MYO1D: variants seen among roughly 807,000 people sequenced by gnomAD.
MYO1D encodes myosin ID.
MYO1D carries 83 observed loss-of-function variants against 122.0 expected under a neutral mutation model. That is an observed-to-expected ratio of 0.68 (90% CI 0.57 to 0.82). The LOEUF is 0.82. Ranked by LOEUF, MYO1D falls within the 40% of genes least tolerant of loss-of-function variation. The probability of loss-of-function intolerance (pLI) is 0.00; values close to 1 mark genes in which losing one functional copy is unlikely to be tolerated. For missense variants in MYO1D, 1,157 were observed against 1,269.5 expected, an observed-to-expected ratio of 0.91 and a Z score of 1.35; for synonymous variants, 464 against 446.9, an observed-to-expected ratio of 1.04 and a Z score of -0.48.
chr17:32,786,229 G>C (rs1360041867), intron 1 of MYO1D, among the ~76,000 whole-genome samples: 1 of 152,088 alleles, frequency 6.6e-6, no homozygotes, highest in Non-Finnish European at 1.5e-5. Context: ...GTAAGGTGAG[G>C]TTAAATGAAG....
At position 32,639,362 on chromosome 17, in the gene MYO1D, TTTG is replaced by T. The variant is rs1237963379; in HGVS notation, c.2596-530_2596-528del. ...ACTAGATTATGAGATTGGGAGAAAT[TTTG>T]TGTGTGTGTGTGTGTGTGTGTGTGT... On this transcript the variant is annotated intron_variant, in intron 19 of 21. Transcript: ENST00000318217. Among the ~76,000 whole-genome samples the T allele has an allele frequency of 5.5e-5, 5 of 91,142 alleles. No homozygotes were observed. The East Asian group carries it at 1.1e-3, about 20-fold the overall frequency. The allele number at this position is 91,142 out of a possible 152,430, so 59.8% of individuals were successfully genotyped here. A position where few individuals can be genotyped will look rare whatever the true frequency, so the allele number is the denominator to read the frequency against.
intron 21 of MYO1D, among the ~76,000 whole-genome samples, chr17:32,567,599 G>A (rs991256668): frequency 6.6e-6 from 1 of 152,198 alleles, no homozygotes; most frequent in Non-Finnish European, 1.5e-5. Flanking sequence ...CTCTTTCTCT[G>A]CCCTGTGCTG....
chr17:32,752,948 G>A (rs944082949), intron 11 of MYO1D, among the ~76,000 whole-genome samples: 2 of 152,008 alleles, frequency 1.3e-5, no homozygotes, highest in Non-Finnish European at 1.5e-5. Flanking sequence ...CAGGTATAAC[G>A]AAAAGATATT....
intron 1 of MYO1D, among the ~76,000 whole-genome samples, chr17:32,845,815 C>A (rs2090933010): frequency 6.6e-6 from 1 of 152,218 alleles, no homozygotes; most frequent in Non-Finnish European, 1.5e-5. Flanking sequence ...GTGATTCCCA[C>A]TCCAAGGACA....
intron 21 of MYO1D, among the ~76,000 whole-genome samples, chr17:32,544,806 C>T (rs1317581527): frequency 6.6e-6 from 1 of 152,134 alleles, no homozygotes; most frequent in African/African-American, 2.4e-5. Flanking sequence ...TACACATATA[C>T]ACACACACTC....
At chr17:32,747,493 C>T (rs1268650061) in intron 12 of MYO1D, among the ~76,000 whole-genome samples, 1 of 152,014 alleles carries the variant, frequency 6.6e-6, no homozygotes, top group Non-Finnish European at 1.5e-5. Context: ...GAAGCTCATC[C>T]TACATTATTC....
intron 11 of MYO1D, among the ~76,000 whole-genome samples, chr17:32,752,000 G>A (rs2089903901): frequency 1.3e-5 from 2 of 151,932 alleles, no homozygotes; most frequent in Non-Finnish European, 2.9e-5. Context: ...AAAACCAGAG[G>A]CATCACATTA....
intron 21 of MYO1D, among the ~76,000 whole-genome samples, chr17:32,551,162 TA>T (rs1317920505): frequency 2.0e-5 from 3 of 152,148 alleles, no homozygotes; most frequent in Non-Finnish European, 4.4e-5. Context: ...GAATGACTTC[TA>T]GGGGTGGGGA....
chr17:32,552,801 G>C (rs191781115), intron 21 of MYO1D, among the ~76,000 whole-genome samples: 4 of 152,280 alleles, frequency 2.6e-5, no homozygotes, highest in African/African-American at 7.2e-5. Context: ...ACCACAGAAC[G>C]AAGATGGAGA....
At chr17:32,771,650 TCA>T (rs1251888508) in intron 5 of MYO1D, among the ~76,000 whole-genome samples, 1 of 152,226 alleles carries the variant, frequency 6.6e-6, no homozygotes, top group Non-Finnish European at 1.5e-5. Context: ...ATATGCTGAA[TCA>T]CACTGGAAAC....
At chr17:32,658,451 A>G (rs2729337) in intron 17 of MYO1D, 99,905 of 152,046 alleles carry the variant, frequency 0.66, 33,260 homozygotes, top group Middle Eastern at 0.75. Flanking sequence ...CTCAAAAAGC[A>G]AGGAGAAAGG....
At chr17:32,549,247 C>G (rs1233321727) in intron 21 of MYO1D, among the ~76,000 whole-genome samples, 1 of 152,084 alleles carries the variant, frequency 6.6e-6, no homozygotes, top group African/African-American at 2.4e-5. Flanking sequence ...CACACAGCAC[C>G]ACACCCAGCT....
chr17:32,583,050 C>CTTA (rs1416897172), intron 21 of MYO1D, among the ~76,000 whole-genome samples: 1 of 152,186 alleles, frequency 6.6e-6, no homozygotes, highest in Admixed American at 6.5e-5. Context: ...AGGACTTTAA[C>CTTA]ATCTCTTGTA....
At chr17:32,857,755 C>A (rs960578515) in intron 1 of MYO1D, among the ~76,000 whole-genome samples, 2 of 152,160 alleles carry the variant, frequency 1.3e-5, no homozygotes, top group African/African-American at 4.8e-5. Flanking sequence ...TCAGCCCAAT[C>A]CCTTAATCAA....
chr17:32,829,574 C>A (rs774043901), intron 1 of MYO1D, among the ~76,000 whole-genome samples: 1 of 152,216 alleles, frequency 6.6e-6, no homozygotes, highest in Non-Finnish European at 1.5e-5. Context: ...ATGCCTCAGC[C>A]TCCCAAGTAG....
chr17:32,556,258 T>C (rs539510137), intron 21 of MYO1D, among the ~76,000 whole-genome samples: 22 of 152,204 alleles, frequency 1.4e-4, no homozygotes, highest in Non-Finnish European at 3.2e-4. Context: ...TACCTATATT[T>C]TTCTAACTTA....
At chr17:32,610,997 T>C (rs1308749503) in intron 20 of MYO1D, among the ~76,000 whole-genome samples, 1 of 152,200 alleles carries the variant, frequency 6.6e-6, no homozygotes, top group East Asian at 1.9e-4. Context: ...GCCTTGAAGA[T>C]TTGAACAGGG....
intron 19 of MYO1D, among the ~76,000 whole-genome samples, chr17:32,639,896 G>A (rs2088170741): frequency 6.6e-6 from 1 of 152,098 alleles, no homozygotes; most frequent in Admixed American, 6.6e-5. Context: ...TTTCTAAGAT[G>A]CAAACAAAGA....
intron 16 of MYO1D, among the ~76,000 whole-genome samples, chr17:32,697,657 G>A (rs2089190261): frequency 6.7e-6 from 1 of 148,932 alleles, no homozygotes. Flanking sequence ...AAAAAAAAAA[G>A]TCATCGATCA....
Sources: allele counts gnomAD v4.1 joint callset (sites outside exome capture counted in the v4.1 genomes callset), GRCh38; gene constraint gnomAD v4.1.1; transcripts MANE v1.5; gene names NCBI Gene and HGNC (gene_info 2026-07-23, HGNC 2026-07-21).